VAMP4: variants seen among roughly 807,000 people sequenced by gnomAD.
VAMP4 encodes the protein vesicle-associated membrane protein 4.
Under a neutral mutation model 23.5 loss-of-function variants are expected in VAMP4, and 19 were observed. The ratio of observed to expected loss-of-function variants is 0.81; its 90% CI spans 0.56 to 1.19. The LOEUF (loss-of-function observed/expected upper bound fraction) is 1.19, where lower values mean the gene tolerates loss of function less well. VAMP4 is among the 50% of genes most tolerant of loss of function. VAMP4 has a pLI of 0.00. For missense variants in VAMP4, 145 were observed against 168.6 expected (o/e 0.86, Z 0.78); for synonymous variants, 31 against 51.0 (o/e 0.61, Z 1.67).
intron 3 of VAMP4, among the ~76,000 whole-genome samples, chr1:171,724,555 C>G (rs1226321934): frequency 6.6e-6 from 1 of 152,054 alleles, no homozygotes; most frequent in Non-Finnish European, 1.5e-5. Context: ...CTACAAAACA[C>G]TGCTGAGAGA....
intron 6 of VAMP4, among the ~76,000 whole-genome samples, chr1:171,709,378 T>C (rs1240603970): frequency 3.3e-5 from 5 of 152,154 alleles, no homozygotes; most frequent in African/African-American, 7.2e-5. Context: ...AAATGTATAT[T>C]TGTTTTAAGT....
At chr1:171,706,221 T>C (rs1467712141) in intron 7 of VAMP4, 146 bp downstream of exon 7, 5 of 601,316 alleles carry the variant, frequency 8.3e-6, no homozygotes, top group Admixed American at 3.7e-5. Context: ...CAGAGATCAA[T>C]AGATTCTAAG....
rs1036950209 is a variant in VAMP4, at chr1:171,700,565, T to C, written c.*3941A>G. 1.3e-5 allele frequency: 2 copies of C among 152,212 alleles called. No individual in the cohort carries two copies. Among genetic ancestry groups the C allele is most frequent in the Non-Finnish European group, 2.9e-5 (2 of 68,028 alleles). The allele number at this position is 152,212 out of a possible 1,614,324, so 9.4% of individuals were successfully genotyped here. The stretch of plus-strand genomic sequence containing the variant: ...TTTAAATGAAAAGAACCTAATGGAA[T>C]ACCATAAAGCCAGAGTTTTTCCACA... On this transcript the variant is annotated 3_prime_UTR_variant, in exon 8 of 8. Coordinates refer to ENST00000236192, the MANE Select transcript of VAMP4 (RefSeq NM_003762.5).
chr1:171,733,415 G>A lies in VAMP4; in HGVS notation c.67-4845C>T, dbSNP rs141193536. 1.8e-3 allele frequency among the ~76,000 whole-genome samples: 276 copies of A among 151,808 alleles called. 2 individuals carry two copies. Among genetic ancestry groups the A allele is most frequent in the Admixed American group, 3.1e-3 (47 of 15,234 alleles). On this transcript the variant is annotated intron_variant, in intron 2 of 7. Transcript: ENST00000236192. The stretch of plus-strand genomic sequence containing the variant: ...AGGAGGAGGCTGCAGAACCCTGATC[G>A]TGCCACTGCATTCCAGCCTGGGTGA...
At chr1:171,721,352 G>C (rs921295875) in intron 3 of VAMP4, among the ~76,000 whole-genome samples, 2 of 152,076 alleles carry the variant, frequency 1.3e-5, no homozygotes, top group African/African-American at 4.8e-5. Context: ...AGACGAGGAG[G>C]AAATAAAACT....
At chr1:171,719,094 G>A (rs749144526) in intron 4 of VAMP4, 77 bp downstream of exon 4, 94 of 1,284,364 alleles carry the variant, frequency 7.3e-5, no homozygotes, top group Non-Finnish European at 1.0e-4. Context: ...GCCAGATTTG[G>A]CTCACAGGCT....
At chr1:171,716,171 C>T (rs983805426) in intron 4 of VAMP4, among the ~76,000 whole-genome samples, 5 of 152,082 alleles carry the variant, frequency 3.3e-5, no homozygotes, top group South Asian at 2.1e-4. Context: ...CCTGGGGTGT[C>T]GGGGAGGGAA....
intron 7 of VAMP4, among the ~76,000 whole-genome samples, chr1:171,705,949 A>T (rs937623882): frequency 3.3e-5 from 5 of 152,160 alleles, no homozygotes; most frequent in African/African-American, 1.2e-4. Context: ...ATTTGGATTT[A>T]TACTTCCAAA....
chr1:171,737,964 G>A (rs1328201943), intron 2 of VAMP4, among the ~76,000 whole-genome samples: 2 of 145,864 alleles, frequency 1.4e-5, no homozygotes, highest in South Asian at 2.1e-4. Context: ...TGATTTTTCT[G>A]TTGTTATTAT....
intron 4 of VAMP4, among the ~76,000 whole-genome samples, chr1:171,717,849 G>A (rs1655068128): frequency 6.6e-6 from 1 of 152,050 alleles, no homozygotes; most frequent in Non-Finnish European, 1.5e-5. Context: ...ATCTAAAAGT[G>A]GCTTGTTGTA....
At chr1:171,737,595 TG>T (rs1655784916) in intron 2 of VAMP4, among the ~76,000 whole-genome samples, 1 of 152,256 alleles carries the variant, frequency 6.6e-6, no homozygotes, top group South Asian at 2.1e-4. Flanking sequence ...TGACCTGAAC[TG>T]ATGTTAGCTA....
At chr1:171,713,990 G>T (rs1654946067) in intron 4 of VAMP4, among the ~76,000 whole-genome samples, 1 of 152,102 alleles carries the variant, frequency 6.6e-6, no homozygotes, top group Non-Finnish European at 1.5e-5. Context: ...ATTGATAATG[G>T]AAACCGCAAA....
intron 6 of VAMP4, among the ~76,000 whole-genome samples, chr1:171,708,816 C>A (rs1284071631): frequency 7.3e-6 from 1 of 137,706 alleles, no homozygotes; most frequent in Non-Finnish European, 1.5e-5. Context: ...GCAGAGGTTG[C>A]GGTGATATTG....
intron 7 of VAMP4, among the ~76,000 whole-genome samples, 163 bp from the exon 8 acceptor site, chr1:171,704,697 C>T (rs1400135546): frequency 4.0e-5 from 6 of 151,778 alleles, no homozygotes; most frequent in Admixed American, 3.3e-4. Context: ...AAAGGAGAAG[C>T]AAAAAATATC....
Position 171,710,804 on chromosome 1 carries a change from G to C in VAMP4, c.175C>G (p.Gln59Glu). ...RNDKIKHVQN[Q>E]VDEVIDVMQE... is the part of the protein sequence containing the mutation. ...ATGACATCAATAACTTCATCCACTT[G>C]ATTCTGAACACTAGTTTAAAAAAGA... The change falls in exon 5 of 8, where the codon CAA becomes GAA. Residue 59 changes from glutamine (Q) to glutamate (E), a missense_variant. Gln to Glu is a conservative substitution (Grantham distance 29). Transcript: ENST00000236192. The C allele has an allele frequency of 6.2e-7, 1 of 1,600,064 alleles. No homozygotes were observed. Among genetic ancestry groups the C allele is most frequent in the Non-Finnish European group, 8.5e-7 (1 of 1,173,482 alleles).
intron 7 of VAMP4, among the ~76,000 whole-genome samples, chr1:171,705,966 T>C (rs571826428): frequency 6.6e-6 from 1 of 152,116 alleles, no homozygotes; most frequent in East Asian, 1.9e-4. Flanking sequence ...CAAAACAATA[T>C]TACAAAATGC....
rs1297653243 is a variant in VAMP4 at position 171,710,782 on chromosome 1, A to T, written c.197T>A (p.Val66Asp). Reference sequence around the variant, plus strand: ...TACCTTTGTAATATTTTCTTGCATGACATCAATAACTTCATCCACTTGATT... The same window carrying T: ...TACCTTTGTAATATTTTCTTGCATGTCATCAATAACTTCATCCACTTGATT... ...VQNQVDEVID[V>D]MQENITKVIE... Residue 66 changes from valine (V) to aspartate (D), a missense_variant, in exon 5 of 8, where the codon GTC (valine) becomes GAC (aspartate). Coordinates refer to ENST00000236192, the MANE Select transcript of VAMP4 (RefSeq NM_003762.5). The T allele has an allele frequency of 4.3e-6, 7 of 1,609,680 alleles. No individual in the cohort carries two copies. The Admixed American group carries it at 6.7e-5, about 15-fold the overall frequency.
chr1:171,722,356 A>T (rs1655223300), intron 3 of VAMP4, among the ~76,000 whole-genome samples: 1 of 152,256 alleles, frequency 6.6e-6, no homozygotes, highest in South Asian at 2.1e-4. Context: ...CAAGGATTTC[A>T]TGAATAAAAC....
At chr1:171,728,678 G>T (rs1655453956) in intron 2 of VAMP4, 108 bp from the exon 3 acceptor site, 1 of 1,079,322 alleles carries the variant, frequency 9.3e-7, no homozygotes, top group Non-Finnish European at 1.3e-6. Flanking sequence ...TTAACTCCAG[G>T]TGTCCATAAA....
Sources: gnomAD v4.1 joint callset for allele counts (sites outside exome capture counted in the v4.1 genomes callset) on GRCh38, gnomAD v4.1.1 for gene constraint, MANE v1.5 for transcripts, NCBI Gene and HGNC (gene_info 2026-07-23, HGNC 2026-07-21) for gene names.